GRB10: variants seen among roughly 807,000 people sequenced by gnomAD.
The protein encoded by GRB10 is growth factor receptor-bound protein 10.
GRB10 carries 20 observed loss-of-function variants against 80.9 expected under a neutral mutation model. That is an observed-to-expected ratio of 0.25 (90% CI 0.17 to 0.36). The LOEUF is 0.36. Ranked by LOEUF, GRB10 falls within the 10% of genes least tolerant of loss-of-function variation. GRB10 has a pLI of 1.00. For missense variants in GRB10, 548 were observed against 747.7 expected, an observed-to-expected ratio of 0.73 and a Z score of 3.12; for synonymous variants, 291 against 291.5, an observed-to-expected ratio of 1.00 and a Z score of 0.02.
rs369936002 is a variant in GRB10, at chr7:50,635,334, T to C, written c.505-8356A>G. On this transcript the variant is annotated intron_variant, in intron 7 of 18. Coordinates refer to ENST00000401949, the MANE Select transcript of GRB10 (RefSeq NM_001350814.2). ...GAAAAAGAAATTTTTTTAATGAAAA[T>C]AGAGACACAACATATCAACACCTCT... Among the ~76,000 whole-genome samples, 19 of 151,980 alleles carry C rather than the reference T, an allele frequency of 1.3e-4. No homozygotes were observed. In the East Asian group the frequency reaches 3.3e-3, roughly 26 times the overall value.
At chr7:50,733,648 C>G (rs61148379) in intron 3 of GRB10, among the ~76,000 whole-genome samples, 3 of 152,182 alleles carry the variant, frequency 2.0e-5, no homozygotes, top group Non-Finnish European at 4.4e-5. Flanking sequence ...AGAACTGTGC[C>G]CGCATCCACC....
chr7:50,639,931 T>C (rs1001853301), intron 7 of GRB10, among the ~76,000 whole-genome samples: 1 of 152,232 alleles, frequency 6.6e-6, no homozygotes, highest in Non-Finnish European at 1.5e-5. Flanking sequence ...AGAATCATTT[T>C]GTCAAAAATA....
intron 7 of GRB10, among the ~76,000 whole-genome samples, chr7:50,665,615 G>A (rs76610975): frequency 0.028 from 4,237 of 152,290 alleles, 201 homozygotes; most frequent in African/African-American, 0.096. Context: ...GCTGCAGGGC[G>A]GGTGCCACCC....
intron 6 of GRB10, among the ~76,000 whole-genome samples, chr7:50,674,054 G>T (rs916542043): frequency 1.3e-5 from 2 of 152,206 alleles, no homozygotes; most frequent in Non-Finnish European, 2.9e-5. Context: ...AGGGGGTGCT[G>T]TAGCTGCTAG....
intron 7 of GRB10, chr7:50,645,447 G>T: frequency 4.6e-6 from 1 of 217,702 alleles, no homozygotes; most frequent in Non-Finnish European, 7.8e-6. Flanking sequence ...ATGTCTGCTG[G>T]GCTGGCAGGG....
chr7:50,738,977 G>C (rs989338336), intron 3 of GRB10, among the ~76,000 whole-genome samples: 5 of 151,876 alleles, frequency 3.3e-5, no homozygotes, highest in Non-Finnish European at 7.4e-5. Context: ...ATTAAAATTT[G>C]TTTATTTTAA....
intron 2 of GRB10, among the ~76,000 whole-genome samples, chr7:50,758,994 T>C (rs1052686635): frequency 3.9e-5 from 1 of 25,742 alleles, no homozygotes; most frequent in African/African-American, 3.6e-4. Flanking sequence ...AGACCAGTTA[T>C]GGCATATAGC....
At chr7:50,658,567 T>C (rs577014593) in intron 7 of GRB10, among the ~76,000 whole-genome samples, 2 of 152,334 alleles carry the variant, frequency 1.3e-5, no homozygotes, top group South Asian at 2.1e-4. Flanking sequence ...ACTTAGATTT[T>C]TGGCAAAACT....
chr7:50,657,104 T>C (rs1467123190), intron 7 of GRB10, among the ~76,000 whole-genome samples: 1 of 152,160 alleles, frequency 6.6e-6, no homozygotes, highest in Non-Finnish European at 1.5e-5. Flanking sequence ...AAGACCACAC[T>C]AAGAAACACA....
chr7:50,645,249 T>G (rs2056991538), intron 7 of GRB10, among the ~76,000 whole-genome samples: 1 of 152,162 alleles, frequency 6.6e-6, no homozygotes, highest in South Asian at 2.1e-4. Context: ...AAAATGAGAT[T>G]ATATAATCAC....
Position 50,674,626 on chromosome 7 carries a change from C to T in GRB10, c.172G>A (p.Asp58Asn), listed in dbSNP as rs200333154. ...AGGCTCTCCAGGGATGCATTCATAT[C>T]GTTCACCAGGGCTTCCAGGTCCACA... is the stretch of plus-strand genomic sequence containing the variant. ...DDVDLEALVNDMNASLESLYS... is the reference protein window; with the variant it reads ...DDVDLEALVNNMNASLESLYS... Residue 58 changes from aspartate (D) to asparagine (N), a missense_variant, in exon 6 of 19, where the codon GAT (aspartate) becomes AAT (asparagine). This residue lies in a region of GRB10 where 245 missense variants were observed against 229.3 expected (regional missense o/e 1.07). Coordinates refer to ENST00000401949, the MANE Select transcript of GRB10 (RefSeq NM_001350814.2). 40 of 1,613,738 alleles carry T rather than the reference C, an allele frequency of 2.5e-5. No homozygotes were observed. Among genetic ancestry groups the T allele is most frequent in the Non-Finnish European group, 2.7e-5 (32 of 1,180,042 alleles).
At chr7:50,617,867 C>G (rs2050941192) in intron 10 of GRB10, 1 of 626,316 alleles carries the variant, frequency 1.6e-6, no homozygotes, top group Non-Finnish European at 2.8e-6. Flanking sequence ...AGAAGGAACC[C>G]AGCTACACAC....
At chr7:50,742,812 T>C (rs1166332051) in intron 3 of GRB10, among the ~76,000 whole-genome samples, 1 of 152,166 alleles carries the variant, frequency 6.6e-6, no homozygotes, top group Non-Finnish European at 1.5e-5. Flanking sequence ...TTTAAATTAC[T>C]GTTGGTTTCT....
intron 5 of GRB10, among the ~76,000 whole-genome samples, chr7:50,695,673 T>A (rs923571912): frequency 1.3e-5 from 2 of 152,198 alleles, no homozygotes; most frequent in African/African-American, 2.4e-5. Flanking sequence ...AACCAACTCT[T>A]ACTGAGGTGA....
At chr7:50,674,262 C>T (rs999029480) in intron 6 of GRB10, among the ~76,000 whole-genome samples, 174 bp downstream of exon 6, 16 of 152,216 alleles carry the variant, frequency 1.1e-4, no homozygotes, top group African/African-American at 2.9e-4. Context: ...AACCCAAGGG[C>T]GGCACACTGC....
intron 9 of GRB10, 131 bp from the exon 10 acceptor site, chr7:50,618,270 G>T: frequency 1.4e-6 from 1 of 732,388 alleles, no homozygotes; most frequent in Non-Finnish European, 2.4e-6. Context: ...TAAAATGGCG[G>T]TCCTTTTTAT....
intron 4 of GRB10, among the ~76,000 whole-genome samples, chr7:50,708,886 G>A (rs944325746): frequency 1.3e-5 from 2 of 152,106 alleles, no homozygotes; most frequent in Admixed American, 1.3e-4. Context: ...ATGTTGGCCA[G>A]GATGGTCTTG....
At chr7:50,760,049 C>G (rs566807258) in intron 2 of GRB10, among the ~76,000 whole-genome samples, 1 of 152,296 alleles carries the variant, frequency 6.6e-6, no homozygotes, top group East Asian at 1.9e-4. Context: ...CAGGAGCCAC[C>G]AGCCGAGCAA....
chr7:50,756,903 A>C (rs2075161941), intron 2 of GRB10, among the ~76,000 whole-genome samples: 1 of 152,228 alleles, frequency 6.6e-6, no homozygotes, highest in Non-Finnish European at 1.5e-5. Flanking sequence ...ACTGGCATGC[A>C]GCAAGGGTGC....
Sources: allele counts gnomAD v4.1 joint callset (sites outside exome capture counted in the v4.1 genomes callset), GRCh38; gene constraint gnomAD v4.1.1; regional missense constraint gnomAD v4.1.1; transcripts MANE v1.5; gene names NCBI Gene and HGNC (gene_info 2026-07-23, HGNC 2026-07-21).